The following SORCS2 variants were observed in gnomAD, a reference collection of about 807,000 sequenced individuals.
SORCS2 encodes the protein VPS10 domain-containing receptor SorCS2.
SORCS2 carries 100 observed loss-of-function variants against 141.6 expected under a neutral mutation model. The observed-to-expected ratio is 0.71, with a 90% CI of 0.60 to 0.83. The LOEUF (loss-of-function observed/expected upper bound fraction) is 0.83. Among genes scored for constraint, SORCS2 ranks in the 40% least tolerant of loss-of-function variants. The probability of loss-of-function intolerance (pLI) is 0.00; values close to 1 mark genes in which losing one functional copy is unlikely to be tolerated. For missense variants in SORCS2, 1,646 were observed against 1,560.2 expected (o/e 1.05, Z -0.93); for synonymous variants, 789 against 676.9 (o/e 1.17, Z -2.57).
At chr4:7,563,238 A>C (rs1185109248) in intron 3 of SORCS2, among the ~76,000 whole-genome samples, 2 of 151,700 alleles carry the variant, frequency 1.3e-5, no homozygotes, top group Non-Finnish European at 2.9e-5. Flanking sequence ...TTGTTGAGGG[A>C]CTCTTCAAAC....
chr4:7,547,223 C>T (rs1430651908), intron 3 of SORCS2, among the ~76,000 whole-genome samples: 2 of 152,166 alleles, frequency 1.3e-5, no homozygotes, highest in Non-Finnish European at 2.9e-5. Context: ...AATACTGGGC[C>T]TGTCTCCATT....
chr4:7,230,612 G>A (rs867597603), intron 1 of SORCS2, among the ~76,000 whole-genome samples: 6 of 148,630 alleles, frequency 4.0e-5, no homozygotes, highest in Non-Finnish European at 5.9e-5. Context: ...TCTCTGGGCC[G>A]GAGCAGTGTC....
intron 1 of SORCS2, among the ~76,000 whole-genome samples, chr4:7,393,272 G>A (rs537297170): frequency 2.3e-4 from 35 of 152,270 alleles, no homozygotes; most frequent in African/African-American, 7.0e-4. Flanking sequence ...GGCAATGGCC[G>A]GAGCTGTGTG....
Position 7,733,481 on chromosome 4 carries a change from G to C in SORCS2, c.3208+60G>C, listed in dbSNP as rs903128969. 4.3e-6 allele frequency: 6 copies of C among 1,386,906 alleles called. No homozygotes were observed. In the East Asian group the frequency reaches 1.3e-4, roughly 29 times the overall value. The allele number at this position is 1,386,906 out of a possible 1,614,324, so 85.9% of individuals were successfully genotyped here. On this transcript the variant is annotated intron_variant, in intron 24 of 26. Coordinates refer to ENST00000507866, the MANE Select transcript of SORCS2 (RefSeq NM_020777.3). ...GAGGAGGCATCCGGGCCCTGGAGAAGCCATGTCCCTGCAGGGCCCTCGGGC... is the reference window on the plus strand; with the variant it reads ...GAGGAGGCATCCGGGCCCTGGAGAACCCATGTCCCTGCAGGGCCCTCGGGC...
chr4:7,370,123 G>C (rs996425909), intron 1 of SORCS2, among the ~76,000 whole-genome samples: 1 of 152,208 alleles, frequency 6.6e-6, no homozygotes, highest in Non-Finnish European at 1.5e-5. Flanking sequence ...GTGTGCAGGG[G>C]ACCCAGGAGA....
At chr4:7,374,714 G>A (rs943169853) in intron 1 of SORCS2, among the ~76,000 whole-genome samples, 2 of 152,164 alleles carry the variant, frequency 1.3e-5, no homozygotes, top group African/African-American at 4.8e-5. Flanking sequence ...AGTCAGAGGT[G>A]GCTTGTACAG....
At chr4:7,557,215 G>A (rs1362637339) in intron 3 of SORCS2, among the ~76,000 whole-genome samples, 1 of 152,102 alleles carries the variant, frequency 6.6e-6, no homozygotes, top group Non-Finnish European at 1.5e-5. Flanking sequence ...AAGTGCCCAA[G>A]GTCTTTTCCT....
chr4:7,731,091 C>T (rs923205906), intron 23 of SORCS2, among the ~76,000 whole-genome samples: 5 of 152,166 alleles, frequency 3.3e-5, no homozygotes, highest in South Asian at 2.1e-4. Context: ...GGCAATCAAA[C>T]AGCAGAAGCG....
At chr4:7,223,233 C>CT (rs1728810987) in intron 1 of SORCS2, among the ~76,000 whole-genome samples, 3 of 152,152 alleles carry the variant, frequency 2.0e-5, no homozygotes, top group African/African-American at 7.2e-5. Flanking sequence ...CAATGGCCAG[C>CT]TTTTGGTGCC....
chr4:7,299,661 C>G (rs539128519), intron 1 of SORCS2, among the ~76,000 whole-genome samples: 21 of 152,324 alleles, frequency 1.4e-4, no homozygotes, highest in Non-Finnish European at 2.8e-4. Flanking sequence ...TGTGCTCACC[C>G]TAATTGTCCT....
chr4:7,371,174 C>T (rs1009087756), intron 1 of SORCS2, among the ~76,000 whole-genome samples: 2 of 152,188 alleles, frequency 1.3e-5, no homozygotes, highest in African/African-American at 2.4e-5. Flanking sequence ...TGCAGGTGTC[C>T]CCCTCAACCT....
chr4:7,403,993 ATATATT>A (rs1465018375), intron 2 of SORCS2, among the ~76,000 whole-genome samples: 6 of 7,702 alleles, frequency 7.8e-4, no homozygotes, highest in East Asian at 3.1e-3. Flanking sequence ...ATATATATAT[ATATATT>A]TTTTTTTTTT....
At chr4:7,359,614 C>T (rs549126751) in intron 1 of SORCS2, among the ~76,000 whole-genome samples, 1 of 152,350 alleles carries the variant, frequency 6.6e-6, no homozygotes, top group Non-Finnish European at 1.5e-5. Context: ...CTCCCAAGAT[C>T]CCGGCAGCTG....
At chr4:7,688,009 G>C (rs924971471) in intron 10 of SORCS2, among the ~76,000 whole-genome samples, 2 of 152,178 alleles carry the variant, frequency 1.3e-5, no homozygotes, top group African/African-American at 4.8e-5. Flanking sequence ...AAACCCTTGA[G>C]CAGACAAATA....
chr4:7,595,010 C>T (rs535137945), intron 3 of SORCS2, among the ~76,000 whole-genome samples: 14 of 152,276 alleles, frequency 9.2e-5, no homozygotes, highest in African/African-American at 3.4e-4. Context: ...ACACCATCCA[C>T]CTTGACTTAC....
At chr4:7,508,152 T>TA (rs1260537266) in intron 2 of SORCS2, among the ~76,000 whole-genome samples, 4 of 142,412 alleles carry the variant, frequency 2.8e-5, no homozygotes, top group African/African-American at 7.9e-5. Flanking sequence ...AGCTTTGTGG[T>TA]AAAAAATAAG....
chr4:7,411,998 C>T (rs902101631), intron 2 of SORCS2, among the ~76,000 whole-genome samples: 2 of 152,230 alleles, frequency 1.3e-5, no homozygotes, highest in Non-Finnish European at 2.9e-5. Flanking sequence ...AGCATGTATG[C>T]TGCCAAGGTC....
chr4:7,489,674 T>C (rs1015741924), intron 2 of SORCS2, among the ~76,000 whole-genome samples: 3 of 152,234 alleles, frequency 2.0e-5, no homozygotes, highest in African/African-American at 7.2e-5. Context: ...TCAATGCATG[T>C]AATTTGTGAA....
chr4:7,707,699 C>T lies in SORCS2; in HGVS notation c.1868+3415C>T, dbSNP rs942612821. ...TTCTGCTGGCTTCACTGGTGCGTCC[C>T]CAGGCCACGCACAGCACCAGGCATG... On this transcript the variant is annotated intron_variant, in intron 14 of 26. Coordinates refer to ENST00000507866, the MANE Select transcript of SORCS2 (RefSeq NM_020777.3). Among the ~76,000 whole-genome samples the T allele has an allele frequency of 5.5e-4, 84 of 152,356 alleles. 1 individual carries two copies. The highest frequency in any genetic ancestry group is 1.7e-3 in the South Asian group (8 of 4,828).
Sources: allele counts gnomAD v4.1 joint callset (sites outside exome capture counted in the v4.1 genomes callset), GRCh38; gene constraint gnomAD v4.1.1; transcripts MANE v1.5; gene names NCBI Gene and HGNC (gene_info 2026-07-23, HGNC 2026-07-21).